PTAR1: variants seen among roughly 807,000 people sequenced by gnomAD.
PTAR1 encodes the protein protein prenyltransferase alpha subunit repeat-containing protein 1.
In PTAR1, 17 loss-of-function variants were observed where a neutral mutation model predicts 45.5. That is an observed-to-expected ratio of 0.37 (90% CI 0.26 to 0.56). The LOEUF (loss-of-function observed/expected upper bound fraction) is 0.56. PTAR1 is among the 20% of genes least tolerant of loss of function. PTAR1 has a pLI of 0.77. For synonymous variants in PTAR1, 169 were observed against 171.3 expected (o/e 0.99, Z 0.11); for missense variants, 391 against 476.3 (o/e 0.82, Z 1.67).
rs1321988375 is a variant in PTAR1 at position 69,717,705 on chromosome 9, A to G, written c.*637T>C. On this transcript the variant is annotated 3_prime_UTR_variant, in exon 8 of 8. Transcript: ENST00000340434. ...ACATTCTTCAGTTGAACTGCAACAT[A>G]AATGTTTATTTTCAATTTGTTTTAG... 6.6e-6 allele frequency: 1 copy of G among 151,972 alleles called. No homozygotes were observed. The highest frequency in any genetic ancestry group is 2.4e-5 in the African/African-American group (1 of 41,292). 9.4% of individuals were successfully genotyped at this position (151,972 alleles called of 1,614,324 possible). A position where few individuals can be genotyped will look rare whatever the true frequency, so the allele number is the denominator to read the frequency against.
chr9:69,759,634 G>C (rs930983515), intron 1 of PTAR1, among the ~76,000 whole-genome samples: 5 of 152,156 alleles, frequency 3.3e-5, no homozygotes, highest in African/African-American at 1.2e-4. Flanking sequence ...ATTTTTTGAG[G>C]TCACTTCTAG....
chr9:69,759,802 C>T, intron 1 of PTAR1, 51 bp downstream of exon 1: 1 of 1,324,610 alleles, frequency 7.5e-7, no homozygotes, highest in Non-Finnish European at 1.0e-6. Flanking sequence ...CTTGGCCCCG[C>T]CCCCGCCCGC....
At chr9:69,722,797 G>A (rs897478945) in intron 6 of PTAR1, among the ~76,000 whole-genome samples, 1 of 151,584 alleles carries the variant, frequency 6.6e-6, no homozygotes, top group African/African-American at 2.4e-5. Flanking sequence ...AAATTAGCCC[G>A]GTGTGGTGGT....
At chr9:69,736,752 G>A (rs977218778) in intron 3 of PTAR1, among the ~76,000 whole-genome samples, 3 of 151,808 alleles carry the variant, frequency 2.0e-5, no homozygotes, top group African/African-American at 7.3e-5. Flanking sequence ...TTAAATTATG[G>A]GCACTCTCTT....
At chr9:69,734,897 G>T (rs1825714822) in intron 3 of PTAR1, among the ~76,000 whole-genome samples, 1 of 151,964 alleles carries the variant, frequency 6.6e-6, no homozygotes, top group Non-Finnish European at 1.5e-5. Flanking sequence ...TCTTTGTAAT[G>T]AACATTTTAA....
chr9:69,734,132 G>A lies in PTAR1; in HGVS notation c.428+18C>T. ...TCTGAATCCTAAGTAAGAGTACTAT[G>A]TTGTAAATTAACCACACCTGTGAAT... On this transcript the variant is annotated intron_variant, in intron 4 of 7. Transcript: ENST00000340434. 7.5e-7 allele frequency: 1 copy of A among 1,339,468 alleles called. No individual in the cohort carries two copies. The highest frequency in any genetic ancestry group is 1.1e-6 in the Non-Finnish European group (1 of 931,398). The allele number at this position is 1,339,468 out of a possible 1,614,324, so 83.0% of individuals were successfully genotyped here.
rs1311729502 is a variant in PTAR1, at chr9:69,718,040, G to A, written c.*302C>T. The A allele has an allele frequency of 1.2e-5, 3 of 260,288 alleles. No homozygotes were observed. The highest frequency in any genetic ancestry group is 2.2e-5 in the Non-Finnish European group (3 of 136,124). The allele number at this position is 260,288 out of a possible 1,614,324, so 16.1% of individuals were successfully genotyped here. A position where few individuals can be genotyped will look rare whatever the true frequency, so the allele number is the denominator to read the frequency against. On this transcript the variant is annotated 3_prime_UTR_variant, in exon 8 of 8. Coordinates refer to ENST00000340434, the MANE Select transcript of PTAR1 (RefSeq NM_001099666.2). Reference sequence around the variant, plus strand: ...CTGAGGGGGGTAGAGGTGTGTGTGTGTGAACCAATCAGGAAAACCAAATGA... The same window carrying A: ...CTGAGGGGGGTAGAGGTGTGTGTGTATGAACCAATCAGGAAAACCAAATGA...
At chr9:69,735,230 T>C (rs998993540) in intron 3 of PTAR1, among the ~76,000 whole-genome samples, 1 of 152,214 alleles carries the variant, frequency 6.6e-6, no homozygotes, top group Admixed American at 6.5e-5. Flanking sequence ...AGTTGTCCCT[T>C]GGTATCTTGT....
At chr9:69,738,304 A>G (rs1023850850) in intron 3 of PTAR1, among the ~76,000 whole-genome samples, 3 of 152,218 alleles carry the variant, frequency 2.0e-5, no homozygotes, top group African/African-American at 7.2e-5. Context: ...GTTGATATCA[A>G]TCTGGATTAC....
At chr9:69,738,994 G>C (rs1399563699) in intron 3 of PTAR1, among the ~76,000 whole-genome samples, 1 of 151,964 alleles carries the variant, frequency 6.6e-6, no homozygotes, top group East Asian at 1.9e-4. Flanking sequence ...TTTTAGTAGA[G>C]ATGGGGTTTC....
intron 6 of PTAR1, 97 bp downstream of exon 6, chr9:69,723,229 T>C (rs1674623864): frequency 9.9e-7 from 1 of 1,011,984 alleles, no homozygotes; most frequent in Non-Finnish European, 1.5e-6. Flanking sequence ...TGACCATGTT[T>C]ACCCAAGCAG....
At chr9:69,753,810 C>T (rs1411942307) in intron 1 of PTAR1, among the ~76,000 whole-genome samples, 1 of 152,134 alleles carries the variant, frequency 6.6e-6, no homozygotes, top group Non-Finnish European at 1.5e-5. Flanking sequence ...TCCATTCTAT[C>T]CACTGACAGG....
chr9:69,744,701 G>A (rs770112110), intron 2 of PTAR1, among the ~76,000 whole-genome samples: 3 of 152,002 alleles, frequency 2.0e-5, no homozygotes, highest in Non-Finnish European at 2.9e-5. Context: ...TGTTTTATGC[G>A]TATCTTACTT....
At chr9:69,723,999 A>G (rs1825148562) in intron 5 of PTAR1, among the ~76,000 whole-genome samples, 1 of 152,194 alleles carries the variant, frequency 6.6e-6, no homozygotes. Flanking sequence ...GTAAAAGCAA[A>G]AATATAAACT....
chr9:69,736,959 A>G (rs1400122928), intron 3 of PTAR1, among the ~76,000 whole-genome samples: 2 of 152,212 alleles, frequency 1.3e-5, no homozygotes, highest in Non-Finnish European at 2.9e-5. Context: ...AATGTAATAA[A>G]CATTGCTAGG....
intron 5 of PTAR1, among the ~76,000 whole-genome samples, chr9:69,729,431 C>T (rs930271145): frequency 1.2e-4 from 18 of 152,016 alleles, no homozygotes; most frequent in Admixed American, 9.2e-4. Context: ...CAAAATATTC[C>T]AATGTGATGG....
At chr9:69,718,927 T>C (rs1824853897) in intron 6 of PTAR1, among the ~76,000 whole-genome samples, 1 of 152,142 alleles carries the variant, frequency 6.6e-6, no homozygotes. Flanking sequence ...TCCTAAGGTT[T>C]TTCATAAGCA....
intron 1 of PTAR1, among the ~76,000 whole-genome samples, chr9:69,758,900 T>G (rs559832821): frequency 6.7e-6 from 1 of 149,320 alleles, no homozygotes; most frequent in African/African-American, 2.5e-5. Flanking sequence ...CTAGCTAAAA[T>G]GAAAGTAATG....
At chr9:69,758,722 CTT>C (rs1564152344) in intron 1 of PTAR1, 2 of 398,182 alleles carry the variant, frequency 5.0e-6, no homozygotes, top group Non-Finnish European at 1.0e-5. Flanking sequence ...GAAAAGAACA[CTT>C]TGGTAAGATA....
Sources: gnomAD v4.1 joint callset for allele counts (sites outside exome capture counted in the v4.1 genomes callset) on GRCh38, gnomAD v4.1.1 for gene constraint, MANE v1.5 for transcripts, NCBI Gene and HGNC (gene_info 2026-07-23, HGNC 2026-07-21) for gene names.